Variants in NF1 observed in about 807,000 individuals in gnomAD.
The protein encoded by NF1 is neurofibromin.
In NF1, 122 loss-of-function variants were observed where a neutral mutation model predicts 325.7. The observed-to-expected ratio is 0.37, with a 90% CI of 0.32 to 0.44. The LOEUF is 0.44. Ranked by LOEUF, NF1 falls within the 20% of genes least tolerant of loss-of-function variation. The probability of loss-of-function intolerance (pLI) is 1.00; values close to 1 mark genes in which losing one functional copy is unlikely to be tolerated. For synonymous variants in NF1, 1,091 were observed against 1,186.0 expected, an observed-to-expected ratio of 0.92 and a Z score of 1.65; for missense variants, 2,140 against 3,415.4, an observed-to-expected ratio of 0.63 and a Z score of 9.31.
At chr17:31,304,516 G>C in intron 36 of NF1, 2 of 1,614,178 alleles carry the variant, frequency 1.2e-6, no homozygotes, top group Non-Finnish European at 8.5e-7. Flanking sequence ...ATTTGGAAGA[G>C]GAGATACAAT....
chr17:31,256,205 A>G (rs1445575696), intron 31 of NF1, among the ~76,000 whole-genome samples: 1 of 152,100 alleles, frequency 6.6e-6, no homozygotes, highest in East Asian at 1.9e-4. Context: ...CAGTGGCACG[A>G]TGGCTCACTG....
rs1305295704 is a variant in NF1 at position 31,252,837 on chromosome 17, T to C, written c.4111-101T>C. The C allele has an allele frequency of 5.6e-6, 5 of 897,446 alleles. No individual in the cohort carries two copies. In the Admixed American group the frequency reaches 1.0e-4, roughly 18 times the overall value. 55.6% of individuals were successfully genotyped at this position (897,446 alleles called of 1,614,324 possible). A position where few individuals can be genotyped will look rare whatever the true frequency, so the allele number is the denominator to read the frequency against. On this transcript the variant is annotated intron_variant, in intron 30 of 57. Coordinates refer to ENST00000358273, the MANE Select transcript of NF1 (RefSeq NM_001042492.3). ...TCTAATTTTTTGTTGATTCCATTTG[T>C]GTTACATTTTATGGTGTAATTTTAT...
intron 36 of NF1, among the ~76,000 whole-genome samples, chr17:31,300,063 T>C (rs2068543167): frequency 6.6e-6 from 1 of 152,080 alleles, no homozygotes; most frequent in African/African-American, 2.4e-5. Flanking sequence ...TGTTTGTAGC[T>C]CTGCTTGCTT....
intron 1 of NF1, 150 bp downstream of exon 1, chr17:31,095,519 T>TG (rs1330000449): frequency 9.4e-6 from 2 of 212,696 alleles, no homozygotes; most frequent in Non-Finnish European, 1.7e-5. Context: ...GGGGGATAAG[T>TG]GGGGGTGGCC....
At chr17:31,167,021 T>C (rs1475905707) in intron 4 of NF1, among the ~76,000 whole-genome samples, 1 of 152,238 alleles carries the variant, frequency 6.6e-6, no homozygotes, top group East Asian at 1.9e-4. Flanking sequence ...TCATTTCTTT[T>C]GCTCAGACTA....
At chr17:31,144,352 A>G (rs1194327985) in intron 1 of NF1, among the ~76,000 whole-genome samples, 1 of 152,216 alleles carries the variant, frequency 6.6e-6, no homozygotes, top group African/African-American at 2.4e-5. Flanking sequence ...AACATAAATC[A>G]GATTATGTCA....
In NF1 at chr17:31,231,557, A is replaced by G. The variant is rs1164767767; in HGVS notation, c.3198-516A>G. Among the ~76,000 whole-genome samples the G allele has an allele frequency of 3.3e-5, 5 of 152,334 alleles. No homozygotes were observed. In the East Asian group the frequency reaches 9.6e-4, roughly 29 times the overall value. The stretch of plus-strand genomic sequence containing the variant: ...GCTCAAGTCCCTGACTTAAGATGTC[A>G]TAGTATTTGCATATAAACTATACAC... On this transcript the variant is annotated intron_variant, in intron 24 of 57. Transcript: ENST00000358273.
chr17:31,278,095 G>A (rs1354899949), intron 36 of NF1: 2 of 152,080 alleles, frequency 1.3e-5, no homozygotes, highest in Admixed American at 6.6e-5. Flanking sequence ...CCTAACCTGA[G>A]CAACAGAGCA....
Position 31,319,063 on chromosome 17 carries a change from A to G in NF1, c.4836-6757A>G, listed in dbSNP as rs775200148. 4 of 1,533,776 alleles carry G rather than the reference A, an allele frequency of 2.6e-6. No individual in the cohort carries two copies. In the East Asian group the frequency reaches 6.8e-5, roughly 26 times the overall value. On this transcript the variant is annotated intron_variant, in intron 36 of 57. Transcript: ENST00000358273. The stretch of plus-strand genomic sequence containing the variant: ...ATATAATTTGTTAGTTTGTGAAAGA[A>G]TAATGGATCCTAGTTTTGGTAATTG...
At position 31,233,327 on chromosome 17, in the gene NF1, A is replaced by G. The variant is rs1161709330; in HGVS notation, c.3708+114A>G. ...GAATTGATAAAATTTCAGAGCCAGA[A>G]GAAAGATGTTTAGTTAGGTGATTTT... On this transcript the variant is annotated intron_variant, in intron 27 of 57. Coordinates refer to ENST00000358273, the MANE Select transcript of NF1 (RefSeq NM_001042492.3). The G allele has an allele frequency of 5.5e-6, 6 of 1,084,036 alleles. No individual in the cohort carries two copies. In the African/African-American group the frequency reaches 9.4e-5, roughly 17 times the overall value. The allele number at this position is 1,084,036 out of a possible 1,614,324, so 67.2% of individuals were successfully genotyped here. A position where few individuals can be genotyped will look rare whatever the true frequency, so the allele number is the denominator to read the frequency against.
In NF1 at chr17:31,249,016, A is replaced by G; in HGVS notation, c.4007A>G (p.Gln1336Arg). 6.2e-7 allele frequency: 1 copy of G among 1,614,150 alleles called. No individual in the cohort carries two copies. Among genetic ancestry groups the G allele is most frequent in the Non-Finnish European group, 8.5e-7 (1 of 1,180,012 alleles). The change falls in exon 30 of 58, where the codon CAG (glutamine) becomes CGG (arginine). Residue 1336 changes from glutamine (Q) to arginine (R), a missense_variant. By Grantham distance (43) the Gln-to-Arg change is conservative (BLOSUM62 1). Around this residue, in one of 10 missense-constraint regions of NF1, gnomAD observed 336 missense variants for 399.0 expected, o/e 0.84. Transcript: ENST00000358273. ...LEPSESLEEN[Q>R]RNLLQMTEKF... The stretch of plus-strand genomic sequence containing the variant: ...CCATCAGAGAGCCTTGAGGAAAACC[A>G]GCGGAACCTCCTTCAGATGACTGAA...
At chr17:31,108,696 A>T (rs929683967) in intron 1 of NF1, among the ~76,000 whole-genome samples, 2 of 152,104 alleles carry the variant, frequency 1.3e-5, no homozygotes, top group African/African-American at 4.8e-5. Context: ...AAGCAATCCT[A>T]TATATCATTT....
chr17:31,174,287 T>C (rs2065981260), intron 5 of NF1, among the ~76,000 whole-genome samples: 1 of 152,212 alleles, frequency 6.6e-6, no homozygotes, highest in African/African-American at 2.4e-5. Context: ...AACACTCCAA[T>C]TAGCAAAATA....
At chr17:31,276,303 A>G (rs2068009290) in intron 36 of NF1, among the ~76,000 whole-genome samples, 2 of 151,774 alleles carry the variant, frequency 1.3e-5, no homozygotes, top group South Asian at 2.1e-4. Flanking sequence ...GGTATCATTA[A>G]TGATGTCTAA....
chr17:31,337,712 A>G (rs925730750), intron 43 of NF1, 107 bp from the exon 44 acceptor site: 110 of 1,396,918 alleles, frequency 7.9e-5, no homozygotes, highest in Non-Finnish European at 1.1e-4. Flanking sequence ...ACTTGCATGG[A>G]CTGTGTTATT....
rs1032859497 is a variant in NF1 at position 31,350,250 on chromosome 17, T to C, written c.7389T>C (p.Leu2463=). 2 of 1,613,710 alleles carry C rather than the reference T, an allele frequency of 1.2e-6. No homozygotes were observed. Among genetic ancestry groups the C allele is most frequent in the Non-Finnish European group, 1.7e-6 (2 of 1,179,616 alleles). The change falls in exon 50 of 58, where the codon CTT becomes CTC. Residue 2463 remains leucine (L), a synonymous_variant. Transcript: ENST00000358273. ...TAAAACATAGAAAGTCACTTCTTCT[T>C]ACTGATATTTCAATGGAAAATGTTC... ...CSLKHRKSLL[L]TDISMENVPM...
chr17:31,301,038 G>A (rs915453072), intron 36 of NF1, among the ~76,000 whole-genome samples: 1 of 151,940 alleles, frequency 6.6e-6, no homozygotes, highest in Admixed American at 6.6e-5. Flanking sequence ...AATTTTAGAG[G>A]TATTAGCACT....
At chr17:31,145,141 A>G (rs1193261965) in intron 1 of NF1, among the ~76,000 whole-genome samples, 1 of 152,158 alleles carries the variant, frequency 6.6e-6, no homozygotes, top group Non-Finnish European at 1.5e-5. Context: ...TTTACTTGCA[A>G]CTACTGCCGT....
At position 31,353,002 on chromosome 17, in the gene NF1, G is replaced by A. The variant is rs189608165; in HGVS notation, c.7615+588G>A. Among the ~76,000 whole-genome samples the A allele has an allele frequency of 2.4e-4, 36 of 151,986 alleles. No homozygotes were observed. The East Asian group carries it at 5.8e-3, about 25-fold the overall frequency. On this transcript the variant is annotated intron_variant, in intron 51 of 57. Coordinates refer to ENST00000358273, the MANE Select transcript of NF1 (RefSeq NM_001042492.3). The stretch of plus-strand genomic sequence containing the variant: ...CAGCTCACTGCAACCTCTGCCTCCC[G>A]GGCTCAAGCAATTCTCCTGCCTCAT...
Sources: allele counts gnomAD v4.1 joint callset (sites outside exome capture counted in the v4.1 genomes callset), GRCh38; gene constraint gnomAD v4.1.1; regional missense constraint gnomAD v4.1.1; transcripts MANE v1.5; gene names NCBI Gene and HGNC (gene_info 2026-07-23, HGNC 2026-07-21).